The following ALMS1 variants were observed in gnomAD, a reference collection of about 807,000 sequenced individuals.
ALMS1 encodes the protein centrosome-associated protein ALMS1.
A neutral mutation model predicts 352.2 loss-of-function variants in ALMS1; 271 were observed. The observed-to-expected ratio is 0.77, with a 90% CI of 0.70 to 0.85. The LOEUF is 0.85. ALMS1 is among the 40% of genes least tolerant of loss of function. ALMS1 has a pLI of 0.00. For synonymous variants in ALMS1, 1,865 were observed against 1,761.2 expected (o/e 1.06, Z -1.48); for missense variants, 5,445 against 4,870.7 (o/e 1.12, Z -3.51).
chr2:73,451,809 A>G lies in ALMS1; in HGVS notation c.5282A>G (p.His1761Arg), dbSNP rs760251120. 2 of 1,614,058 alleles carry G rather than the reference A, an allele frequency of 1.2e-6. No individual in the cohort carries two copies. The highest frequency in any genetic ancestry group is 2.2e-5 in the South Asian group (2 of 91,076). Reference sequence around the variant, plus strand: ...ACTGTAACTTCCTCTTTCTATTCACATACAGAGAAGCCTAATATTTCTTAC... The same window carrying G: ...ACTGTAACTTCCTCTTTCTATTCACGTACAGAGAAGCCTAATATTTCTTAC... ...LSTVTSSFYS[H>R]TEKPNISYQQ... The change falls in exon 8 of 23, where the codon CAT becomes CGT. Residue 1761 changes from histidine to arginine, a missense_variant. Coordinates refer to ENST00000613296, the MANE Select transcript of ALMS1 (RefSeq NM_001378454.1).
chr2:73,439,000 T>C (rs549674358), intron 7 of ALMS1, among the ~76,000 whole-genome samples: 5 of 151,760 alleles, frequency 3.3e-5, no homozygotes, highest in Non-Finnish European at 1.5e-5. Flanking sequence ...CTTCTTCCTC[T>C]TCTTCCTCTC....
chr2:73,501,380 G>A (rs772363704), intron 10 of ALMS1, among the ~76,000 whole-genome samples: 1 of 151,716 alleles, frequency 6.6e-6, no homozygotes, highest in African/African-American at 2.4e-5. Flanking sequence ...ATTAAGAAAT[G>A]TTGCCTAATC....
intron 6 of ALMS1, among the ~76,000 whole-genome samples, chr2:73,427,628 C>G (rs1297602744): frequency 6.6e-6 from 1 of 151,994 alleles, no homozygotes; most frequent in African/African-American, 2.4e-5. Context: ...CTAATGCTAT[C>G]CCTCCCCTAA....
At chr2:73,540,982 G>C (rs1268121547) in intron 12 of ALMS1, among the ~76,000 whole-genome samples, 1 of 152,180 alleles carries the variant, frequency 6.6e-6, no homozygotes, top group Non-Finnish European at 1.5e-5. Flanking sequence ...AAGTTAACAA[G>C]GCTATCCAGG....
intron 15 of ALMS1, among the ~76,000 whole-genome samples, chr2:73,567,617 G>A (rs144166424): frequency 1.6e-4 from 25 of 152,260 alleles, no homozygotes; most frequent in African/African-American, 5.5e-4. Context: ...TATGATAAAG[G>A]TGCCATTTCA....
At chr2:73,555,289 T>C (rs576404198) in intron 13 of ALMS1, among the ~76,000 whole-genome samples, 3 of 152,192 alleles carry the variant, frequency 2.0e-5, no homozygotes, top group Admixed American at 6.5e-5. Context: ...TGAAACAGAA[T>C]GGTGACCCAG....
chr2:73,536,615 A>G (rs186321628), intron 12 of ALMS1, among the ~76,000 whole-genome samples: 30 of 152,310 alleles, frequency 2.0e-4, no homozygotes, highest in Admixed American at 1.9e-3. Context: ...ATCTATGAAT[A>G]TGTTGTACAT....
rs1283832193 is a variant in ALMS1 at position 73,508,245 on chromosome 2, C to G, written c.9540-11530C>G. Reference sequence around the variant, plus strand: ...TTTTTCCGAGTCTCACTCTGTTGCCCAGGCTGGAGTGCAGTGGCGCGATCT... The same window carrying G: ...TTTTTCCGAGTCTCACTCTGTTGCCGAGGCTGGAGTGCAGTGGCGCGATCT... On this transcript the variant is annotated intron_variant, in intron 10 of 22. Coordinates refer to ENST00000613296, the MANE Select transcript of ALMS1 (RefSeq NM_001378454.1). Among the ~76,000 whole-genome samples the G allele has an allele frequency of 5.5e-5, 8 of 146,112 alleles. No homozygotes were observed. The Admixed American group carries it at 5.5e-4, about 10-fold the overall frequency.
intron 6 of ALMS1, among the ~76,000 whole-genome samples, chr2:73,430,776 G>A (rs183937558): frequency 1.2e-3 from 190 of 152,268 alleles, no homozygotes; most frequent in Non-Finnish European, 2.1e-3. Context: ...CTACACAGTT[G>A]TAGGTTTGTG....
At chr2:73,600,022 C>G (rs760936998) in intron 17 of ALMS1, among the ~76,000 whole-genome samples, 1 of 152,150 alleles carries the variant, frequency 6.6e-6, no homozygotes, top group Non-Finnish European at 1.5e-5. Context: ...TGAGGAAGCT[C>G]TCTCTGTACT....
At chr2:73,410,906 C>T (rs944228490) in intron 2 of ALMS1, among the ~76,000 whole-genome samples, 4 of 151,974 alleles carry the variant, frequency 2.6e-5, no homozygotes, top group Non-Finnish European at 5.9e-5. Flanking sequence ...GCAGTGATTA[C>T]CTGTTAGATG....
At chr2:73,537,331 G>A (rs547455372) in intron 12 of ALMS1, among the ~76,000 whole-genome samples, 14 of 152,272 alleles carry the variant, frequency 9.2e-5, no homozygotes, top group South Asian at 6.2e-4. Flanking sequence ...CCATGTATGC[G>A]TAGGCCTGTG....
At chr2:73,536,969 T>A (rs1489033920) in intron 12 of ALMS1, among the ~76,000 whole-genome samples, 2 of 152,162 alleles carry the variant, frequency 1.3e-5, no homozygotes, top group South Asian at 2.1e-4. Context: ...AGCTTTCTTT[T>A]CCAAGACCAG....
intron 7 of ALMS1, among the ~76,000 whole-genome samples, chr2:73,437,532 T>C (rs1378716266): frequency 6.6e-6 from 1 of 152,234 alleles, no homozygotes; most frequent in Non-Finnish European, 1.5e-5. Flanking sequence ...TGTTCTTTCT[T>C]TACAGCCTTT....
At chr2:73,477,606 C>G (rs536257560) in intron 9 of ALMS1, among the ~76,000 whole-genome samples, 8 of 152,044 alleles carry the variant, frequency 5.3e-5, no homozygotes, top group Admixed American at 3.9e-4. Flanking sequence ...ATCTTTCAGT[C>G]CATAAACATG....
At position 73,449,584 on chromosome 2, in the gene ALMS1, T is replaced by C. The variant is rs1671883693; in HGVS notation, c.3057T>C (p.Asp1019=). The C allele has an allele frequency of 1.2e-6, 2 of 1,614,018 alleles. No homozygotes were observed. The highest frequency in any genetic ancestry group is 1.7e-6 in the Non-Finnish European group (2 of 1,179,964). The part of the protein sequence containing the change: ...PSIFYQQEWP[D]SYATEKALKV... Reference sequence around the variant, plus strand: ...TTTTCTATCAACAGGAGTGGCCAGATAGTTATGCAACTGAAAAGGCTCTGA... The same window carrying C: ...TTTTCTATCAACAGGAGTGGCCAGACAGTTATGCAACTGAAAAGGCTCTGA... The change falls in exon 8 of 23, where the codon GAT becomes GAC. Residue 1019 remains aspartate, a synonymous_variant. Transcript: ENST00000613296.
At chr2:73,532,214 T>C (rs1390827756) in intron 11 of ALMS1, among the ~76,000 whole-genome samples, 1 of 152,200 alleles carries the variant, frequency 6.6e-6, no homozygotes, top group Non-Finnish European at 1.5e-5. Flanking sequence ...ACACTGGTTC[T>C]CGCCTGAGGT....
chr2:73,589,592 C>T (rs72811952), intron 16 of ALMS1, among the ~76,000 whole-genome samples: 133 of 152,288 alleles, frequency 8.7e-4, no homozygotes, highest in South Asian at 1.7e-3. Context: ...GAACTTTCAT[C>T]ATATATAAAA....
chr2:73,486,046 G>A (rs541496113), intron 9 of ALMS1, among the ~76,000 whole-genome samples: 3 of 151,930 alleles, frequency 2.0e-5, no homozygotes, highest in East Asian at 2.0e-4. Context: ...CGTGGCTCAC[G>A]CTGGGAGCTG....
Sources: gnomAD v4.1 joint callset for allele counts (sites outside exome capture counted in the v4.1 genomes callset) on GRCh38, gnomAD v4.1.1 for gene constraint, MANE v1.5 for transcripts, NCBI Gene and HGNC (gene_info 2026-07-23, HGNC 2026-07-21) for gene names.